The following ACSBG2 variants were observed in gnomAD, a reference collection of about 807,000 sequenced individuals.
The protein encoded by ACSBG2 is acyl-CoA synthetase bubblegum family member 2.
ACSBG2 carries 62 observed loss-of-function variants against 74.7 expected under a neutral mutation model. That is an observed-to-expected ratio of 0.83 (90% confidence interval 0.68 to 1.03). The LOEUF is 1.03. ACSBG2 is among the 50% of genes least tolerant of loss of function. The probability of loss-of-function intolerance (pLI) is 0.00; values close to 1 mark genes in which losing one functional copy is unlikely to be tolerated. For synonymous variants in ACSBG2, 309 were observed against 294.1 expected, an observed-to-expected ratio of 1.05 and a Z score of -0.52; for missense variants, 730 against 817.6, an observed-to-expected ratio of 0.89 and a Z score of 1.31.
At chr19:6,192,392 T>C (rs2090589156) in intron 14 of ACSBG2, among the ~76,000 whole-genome samples, 1 of 152,300 alleles carries the variant, frequency 6.6e-6, no homozygotes, top group East Asian at 1.9e-4. Context: ...CAAAGTGCTG[T>C]GATTACAAGT....
Position 6,169,738 on chromosome 19 carries a change from C to A in ACSBG2, c.738+3723C>A, listed in dbSNP as rs1030596888. On this transcript the variant is annotated intron_variant, in intron 7 of 14. Transcript: ENST00000588485. ...GCATGGAATGCTTTTCCATTTGTGT[C>A]ATCTGTGATTTCTTTCATCAATGTT... Among the ~76,000 whole-genome samples, 8 of 152,130 alleles carry A rather than the reference C, an allele frequency of 5.3e-5. 1 individual carries two copies. The highest frequency in any genetic ancestry group is 1.9e-4 in the African/African-American group (8 of 41,436).
chr19:6,169,976 G>C (rs2089919975), intron 7 of ACSBG2, among the ~76,000 whole-genome samples: 1 of 152,044 alleles, frequency 6.6e-6, no homozygotes, highest in South Asian at 2.1e-4. Flanking sequence ...GTGTTTTGGA[G>C]GAATCTTTAG....
At position 6,185,562 on chromosome 19, in the gene ACSBG2, A is replaced by G. The variant is rs377492291; in HGVS notation, c.1449A>G (p.Thr483=). ...ATCTGGAAAGTGAGACTGAAACTAC[A>G]GAGGCCATCGATGATGAAGGCTGGC... The part of the protein sequence containing the change: ...MGYLESETET[T]EAIDDEGWLH... The change falls in exon 11 of 15, where the codon ACA becomes ACG. Residue 483 remains threonine, a synonymous_variant. Transcript: ENST00000588485. 6.2e-7 allele frequency: 1 copy of G among 1,614,190 alleles called. No homozygotes were observed. The highest frequency in any genetic ancestry group is 1.1e-5 in the South Asian group (1 of 91,086).
intron 13 of ACSBG2, among the ~76,000 whole-genome samples, chr19:6,189,148 A>C (rs563754137): frequency 1.3e-5 from 2 of 152,156 alleles, no homozygotes; most frequent in Non-Finnish European, 2.9e-5. Context: ...TTCTCTGATT[A>C]ATATTATAAA....
chr19:6,149,629 C>T (rs2089162914), intron 3 of ACSBG2, among the ~76,000 whole-genome samples: 1 of 151,892 alleles, frequency 6.6e-6, no homozygotes, highest in African/African-American at 2.4e-5. Flanking sequence ...GCCTCAGCTT[C>T]CCAAGTAGCT....
chr19:6,173,510 C>T (rs779172494), intron 7 of ACSBG2, among the ~76,000 whole-genome samples: 4 of 152,234 alleles, frequency 2.6e-5, no homozygotes, highest in African/African-American at 4.8e-5. Flanking sequence ...TTGTCAAAGG[C>T]GAGTGGGAAG....
chr19:6,171,704 T>C (rs2089971841), intron 7 of ACSBG2, among the ~76,000 whole-genome samples: 1 of 152,170 alleles, frequency 6.6e-6, no homozygotes, highest in Admixed American at 6.5e-5. Context: ...GGTGGCCATA[T>C]TGTGTAGCAT....
chr19:6,184,615 A>G (rs899303620), intron 10 of ACSBG2, among the ~76,000 whole-genome samples: 65 of 129,338 alleles, frequency 5.0e-4, no homozygotes, highest in African/African-American at 1.2e-3. Context: ...TATCTCTAGG[A>G]AAAAAAAAAA....
chr19:6,162,834 A>G (rs1462181009), intron 6 of ACSBG2, among the ~76,000 whole-genome samples: 1 of 151,926 alleles, frequency 6.6e-6, no homozygotes, highest in Non-Finnish European at 1.5e-5. Flanking sequence ...TGAAACAACC[A>G]AAAGTGTCTC....
Position 6,152,494 on chromosome 19 carries a change from G to A in ACSBG2, c.386+699G>A, listed in dbSNP as rs1384536516. ...TTTAGTAGAGACGGGGTTTCACCTT[G>A]TTAGCCAGGATGGTCTCGATCTCCT... On this transcript the variant is annotated intron_variant, in intron 4 of 14. Transcript: ENST00000588485. 5.4e-5 allele frequency among the ~76,000 whole-genome samples: 2 copies of A among 36,894 alleles called. 1 individual carries two copies. Among genetic ancestry groups the A allele is most frequent in the East Asian group, 1.7e-3 (2 of 1,182 alleles). 24.2% of individuals were successfully genotyped at this position (36,894 alleles called of 152,430 possible).
intron 8 of ACSBG2, among the ~76,000 whole-genome samples, chr19:6,181,425 G>A (rs1259726785): frequency 6.6e-6 from 1 of 152,080 alleles, no homozygotes; most frequent in Non-Finnish European, 1.5e-5. Flanking sequence ...TAATCTCATT[G>A]TTGAGTGTTA....
At chr19:6,147,140 A>T (rs2089063215) in intron 2 of ACSBG2, among the ~76,000 whole-genome samples, 1 of 152,160 alleles carries the variant, frequency 6.6e-6, no homozygotes, top group South Asian at 2.1e-4. Context: ...GGACATAACA[A>T]AGACAGCAGG....
intron 10 of ACSBG2, among the ~76,000 whole-genome samples, chr19:6,184,523 C>G (rs527765621): frequency 2.0e-5 from 3 of 151,158 alleles, no homozygotes; most frequent in Non-Finnish European, 4.4e-5. Flanking sequence ...ATTGGCCTTG[C>G]TAACTGTTAA....
intron 7 of ACSBG2, among the ~76,000 whole-genome samples, chr19:6,169,026 A>C (rs895543389): frequency 6.6e-6 from 1 of 151,980 alleles, no homozygotes; most frequent in African/African-American, 2.4e-5. Flanking sequence ...TGATCCACCC[A>C]CCTCAGCCTC....
In ACSBG2 at chr19:6,166,280, T is replaced by TGTGTGTTTGTGTGTG. The variant is rs2089799967; in HGVS notation, c.738+265_738+266insGTGTGTTTGTGTGTG. On this transcript the variant is annotated intron_variant, in intron 7 of 14. Transcript: ENST00000588485. ...GATTCCTCTGTGTGAGTCAGGAAGG[T>TGTGTGTTTGTGTGTG]TGTGTGTGTGTGTGTGTGTGTGTGT... 3.5e-3 allele frequency among the ~76,000 whole-genome samples: 415 copies of TGTGTGTTTGTGTGTG among 119,138 alleles called. 4 individuals are homozygous for TGTGTGTTTGTGTGTG. Among genetic ancestry groups the TGTGTGTTTGTGTGTG allele is most frequent in the African/African-American group, 0.015 (386 of 26,568 alleles). The allele number at this position is 119,138 out of a possible 152,430, so 78.2% of individuals were successfully genotyped here.
chr19:6,185,495 T>A lies in ACSBG2; in HGVS notation c.1382T>A (p.Ile461Asn). The part of the protein sequence containing the change: ...NMLFQQNKDG[I>N]GEICLWGRHI... Reference sequence around the variant, plus strand: ...CTGTTCCAGCAGAACAAGGATGGCATTGGGGAGATCTGCCTCTGGGGTAGG... The same window carrying A: ...CTGTTCCAGCAGAACAAGGATGGCAATGGGGAGATCTGCCTCTGGGGTAGG... The change falls in exon 11 of 15, where the codon ATT (isoleucine) becomes AAT (asparagine). Residue 461 changes from isoleucine (I) to asparagine (N), a missense_variant. By Grantham distance (149) the Ile-to-Asn change is moderately radical (BLOSUM62 -3). Coordinates refer to ENST00000588485, the MANE Select transcript of ACSBG2 (RefSeq NM_030924.5). 1 of 1,614,158 alleles carries A rather than the reference T, an allele frequency of 6.2e-7. No homozygotes were observed. Among genetic ancestry groups the A allele is most frequent in the South Asian group, 1.1e-5 (1 of 91,084 alleles).
chr19:6,148,462 T>G (rs935650326), intron 3 of ACSBG2: 1 of 152,092 alleles, frequency 6.6e-6, no homozygotes, highest in African/African-American at 2.4e-5. Flanking sequence ...CTGGGTAACA[T>G]AGTGAGACCC....
intron 4 of ACSBG2, among the ~76,000 whole-genome samples, chr19:6,155,534 A>G (rs1306377869): frequency 1.3e-5 from 2 of 152,188 alleles, no homozygotes; most frequent in African/African-American, 4.8e-5. Flanking sequence ...TCACGCCTGG[A>G]ATCCCAGCAC....
intron 5 of ACSBG2, chr19:6,160,750 T>A (rs1362267391): frequency 6.5e-6 from 1 of 154,794 alleles, no homozygotes; most frequent in Non-Finnish European, 1.4e-5. Context: ...TGAAACCAAG[T>A]CATTTGGAGT....
Sources: allele counts gnomAD v4.1 joint callset (sites outside exome capture counted in the v4.1 genomes callset), GRCh38; gene constraint gnomAD v4.1.1; transcripts MANE v1.5; gene names NCBI Gene and HGNC (gene_info 2026-07-23, HGNC 2026-07-21).